The following OPCML variants were observed in gnomAD, a reference collection of about 807,000 sequenced individuals.
OPCML encodes opioid-binding protein/cell adhesion molecule.
OPCML carries 13 observed loss-of-function variants against 37.8 expected under a neutral mutation model. The ratio of observed to expected loss-of-function variants is 0.34; its 90% CI spans 0.22 to 0.55. The LOEUF (loss-of-function observed/expected upper bound fraction) is 0.55, where lower values mean the gene tolerates loss of function less well. Among genes scored for constraint, OPCML ranks in the 20% least tolerant of loss-of-function variants. The pLI, the probability that OPCML is intolerant of heterozygous loss-of-function variation, is 0.91. For missense variants in OPCML, 341 were observed against 435.6 expected (o/e 0.78, Z 1.93); for synonymous variants, 176 against 168.8 (o/e 1.04, Z -0.33).
rs114805134 is a variant in OPCML, at chr11:132,552,632, G to A, written c.380-23446C>T. Among the ~76,000 whole-genome samples the A allele has an allele frequency of 6.6e-3, 999 of 152,078 alleles. 17 individuals carry two copies. Among genetic ancestry groups the A allele is most frequent in the Middle Eastern group, 0.02 (6 of 294 alleles). On this transcript the variant is annotated intron_variant, in intron 3 of 7. Coordinates refer to ENST00000524381, the MANE Select transcript of OPCML (RefSeq NM_001012393.5). ...TATGGACATAGCTATTATTCCCTGC[G>A]TCTAGAACATATTTATCTACTTTCT...
intron 1 of OPCML, among the ~76,000 whole-genome samples, chr11:133,094,295 G>A (rs558252274): frequency 5.9e-5 from 9 of 152,226 alleles, no homozygotes; most frequent in Admixed American, 2.6e-4. Flanking sequence ...GGCTAAAGTC[G>A]GGTTGCTTAA....
At chr11:133,508,557 C>A (rs1006740120) in intron 1 of OPCML, among the ~76,000 whole-genome samples, 2 of 152,336 alleles carry the variant, frequency 1.3e-5, no homozygotes, top group Admixed American at 1.3e-4. Context: ...CCTGCCTCCA[C>A]ACTGCAAGTC....
chr11:133,093,830 C>T (rs1215071143), intron 1 of OPCML, among the ~76,000 whole-genome samples: 1 of 150,118 alleles, frequency 6.7e-6, no homozygotes, highest in Non-Finnish European at 1.5e-5. Context: ...AAGAAGGCAG[C>T]ACGATGCAAA....
intron 1 of OPCML, among the ~76,000 whole-genome samples, chr11:133,093,901 T>G (rs1250277223): frequency 6.6e-6 from 1 of 152,194 alleles, no homozygotes; most frequent in Non-Finnish European, 1.5e-5. Flanking sequence ...TAGATAAATC[T>G]TAATTTTAAT....
chr11:133,177,008 C>T lies in OPCML; in HGVS notation c.62-233998G>A, dbSNP rs1333773155. Among the ~76,000 whole-genome samples, 1 of 152,224 alleles carries T rather than the reference C, an allele frequency of 6.6e-6. No homozygotes were observed. Among genetic ancestry groups the T allele is most frequent in the African/African-American group, 2.4e-5 (1 of 41,452 alleles). ...CAGCTTGTCTTCAGTGCCAGCTCAG[C>T]TCCTCCTGTGCCATCATCCTGCCAG... On this transcript the variant is annotated intron_variant, in intron 1 of 7. Transcript: ENST00000524381. This position sits in a 1 kb window ranked among gnomAD's most constrained non-coding sequence, Gnocchi z 5.0.
At chr11:132,903,098 A>G (rs1944119497) in intron 2 of OPCML, among the ~76,000 whole-genome samples, 1 of 152,144 alleles carries the variant, frequency 6.6e-6, no homozygotes, top group African/African-American at 2.4e-5. Context: ...TTTAAGCCTC[A>G]ACTATCTGGC....
intron 1 of OPCML, among the ~76,000 whole-genome samples, chr11:133,043,949 C>A (rs1947955818): frequency 6.6e-6 from 1 of 152,196 alleles, no homozygotes; most frequent in Non-Finnish European, 1.5e-5. Flanking sequence ...AGGCACTATG[C>A]TGAATCGAGG....
At chr11:132,450,432 C>T (rs913886904) in intron 4 of OPCML, among the ~76,000 whole-genome samples, 4 of 152,000 alleles carry the variant, frequency 2.6e-5, no homozygotes, top group East Asian at 1.9e-4. Flanking sequence ...CCATATGGGG[C>T]GGGTGCTGGA....
intron 1 of OPCML, among the ~76,000 whole-genome samples, chr11:133,483,311 CAGATAGATAGAT>C (rs10527085): frequency 2.7e-5 from 4 of 148,526 alleles, no homozygotes; most frequent in Admixed American, 6.7e-5. Flanking sequence ...GATAGATAGG[CAGATAGATAGAT>C]AGATAGATAG....
intron 1 of OPCML, among the ~76,000 whole-genome samples, chr11:133,353,134 C>T (rs1430057098): frequency 6.6e-6 from 1 of 152,186 alleles, no homozygotes; most frequent in Admixed American, 6.5e-5. Context: ...TCCAAAGCAT[C>T]CTTCCTTTGC....
intron 2 of OPCML, among the ~76,000 whole-genome samples, chr11:132,939,433 C>A (rs1945499700): frequency 6.6e-6 from 1 of 152,196 alleles, no homozygotes. Flanking sequence ...ATCAGCAAGC[C>A]TGGATCAACA....
chr11:132,863,535 T>C (rs1292396402), intron 2 of OPCML, among the ~76,000 whole-genome samples: 1 of 147,848 alleles, frequency 6.8e-6, no homozygotes, highest in Non-Finnish European at 1.5e-5. Flanking sequence ...AGTCTTAACC[T>C]CCCCTGAGGC....
At chr11:132,854,962 A>G (rs1375055891) in intron 2 of OPCML, among the ~76,000 whole-genome samples, 2 of 152,222 alleles carry the variant, frequency 1.3e-5, no homozygotes, top group African/African-American at 4.8e-5. Context: ...TTTAGTTTAT[A>G]GTTAAACTTT....
At chr11:132,499,219 A>T (rs2096240659) in intron 4 of OPCML, among the ~76,000 whole-genome samples, 1 of 152,166 alleles carries the variant, frequency 6.6e-6, no homozygotes, top group South Asian at 2.1e-4. Flanking sequence ...CAGCCCTAAG[A>T]CAGCATAGGA....
At chr11:133,111,738 GTGTTT>G (rs1356124285) in intron 1 of OPCML, among the ~76,000 whole-genome samples, 1 of 152,192 alleles carries the variant, frequency 6.6e-6, no homozygotes, top group Non-Finnish European at 1.5e-5. Context: ...GCCAGGAAGG[GTGTTT>G]TGTTTTGTTG....
intron 2 of OPCML, among the ~76,000 whole-genome samples, chr11:132,751,028 T>C (rs1213083726): frequency 1.3e-5 from 2 of 152,144 alleles, no homozygotes; most frequent in African/African-American, 2.4e-5. Flanking sequence ...AGATAAAATA[T>C]TATCAAGTGG....
At chr11:133,076,217 A>G (rs899824614) in intron 1 of OPCML, among the ~76,000 whole-genome samples, 4 of 152,198 alleles carry the variant, frequency 2.6e-5, no homozygotes, top group Non-Finnish European at 5.9e-5. Flanking sequence ...AAGGCAATGC[A>G]TGCATACCTT....
At chr11:132,784,883 C>T (rs914554115) in intron 2 of OPCML, among the ~76,000 whole-genome samples, 3 of 152,148 alleles carry the variant, frequency 2.0e-5, no homozygotes. Context: ...TGGCACTGTG[C>T]TTCTTATACA....
chr11:132,469,522 G>GGGC (rs1164816789), intron 4 of OPCML, among the ~76,000 whole-genome samples: 1 of 149,384 alleles, frequency 6.7e-6, no homozygotes. Flanking sequence ...TGTGTGTGGG[G>GGGC]TGTGTGTGTA....
Sources: gnomAD v4.1 joint callset for allele counts (sites outside exome capture counted in the v4.1 genomes callset) on GRCh38, gnomAD v4.1.1 for gene constraint, Gnocchi (gnomAD v3.1) non-coding constraint, MANE v1.5 for transcripts, NCBI Gene and HGNC (gene_info 2026-07-23, HGNC 2026-07-21) for gene names.